GRAMD1C: variants seen among roughly 807,000 people sequenced by gnomAD.
GRAMD1C encodes the protein protein Aster-C.
A neutral mutation model predicts 97.8 loss-of-function variants in GRAMD1C; 89 were observed. The observed-to-expected ratio is 0.91, with a 90% CI of 0.77 to 1.09. The LOEUF (loss-of-function observed/expected upper bound fraction) is 1.09, where lower values mean the gene tolerates loss of function less well. Ranked by LOEUF, GRAMD1C falls within the 50% of genes least tolerant of loss-of-function variation. GRAMD1C has a pLI of 0.00. For synonymous variants in GRAMD1C, 256 were observed against 267.0 expected, an observed-to-expected ratio of 0.96 and a Z score of 0.40; for missense variants, 740 against 766.4, an observed-to-expected ratio of 0.97 and a Z score of 0.41.
In GRAMD1C at chr3:113,838,864, G is replaced by C. The variant is rs1452483211; in HGVS notation, c.-46G>C. 4.1e-6 allele frequency: 5 copies of C among 1,219,818 alleles called. No homozygotes were observed. The highest frequency in any genetic ancestry group is 3.2e-5 in the East Asian group (1 of 31,200). 75.6% of individuals were successfully genotyped at this position (1,219,818 alleles called of 1,614,324 possible). A position where few individuals can be genotyped will look rare whatever the true frequency, so the allele number is the denominator to read the frequency against. ...GCTGGAGGTGGGCGCGGGGCGGTGCGGTGCGGTGCGCGCGGGGCGGTGCCG... is the reference window on the plus strand; with the variant it reads ...GCTGGAGGTGGGCGCGGGGCGGTGCCGTGCGGTGCGCGCGGGGCGGTGCCG... On this transcript the variant is annotated 5_prime_UTR_variant, in exon 1 of 18. Transcript: ENST00000358160.
chr3:113,925,632 T>A (rs1937208936), intron 10 of GRAMD1C, among the ~76,000 whole-genome samples: 1 of 152,222 alleles, frequency 6.6e-6, no homozygotes. Context: ...TGTTGTTAGC[T>A]GGTTATTTTG....
intron 10 of GRAMD1C, among the ~76,000 whole-genome samples, chr3:113,917,080 G>A (rs1038858570): frequency 2.0e-5 from 3 of 152,178 alleles, no homozygotes; most frequent in Non-Finnish European, 4.4e-5. Context: ...AGGTTGCAGT[G>A]AGCTGAGATT....
chr3:113,857,236 A>G (rs1934170402), intron 2 of GRAMD1C, among the ~76,000 whole-genome samples: 1 of 152,226 alleles, frequency 6.6e-6, no homozygotes, highest in Non-Finnish European at 1.5e-5. Context: ...GCTATGTTGA[A>G]TAAGAACGGT....
intron 1 of GRAMD1C, among the ~76,000 whole-genome samples, chr3:113,830,739 T>C (rs897494660): frequency 2.6e-5 from 4 of 152,262 alleles, no homozygotes; most frequent in Admixed American, 2.0e-4. Context: ...CACATTGTTA[T>C]GCAATGCATG....
chr3:113,880,424 A>T (rs2245709), intron 5 of GRAMD1C, among the ~76,000 whole-genome samples: 128,473 of 151,930 alleles, frequency 0.85, 54,658 homozygotes, highest in African/African-American at 0.94. Flanking sequence ...CCTTTTTTTT[A>T]AAAAAACAAC....
chr3:113,945,346 C>A, intron 17 of GRAMD1C, 52 bp from the exon 18 acceptor site: 1 of 1,212,338 alleles, frequency 8.2e-7, no homozygotes, highest in Non-Finnish European at 1.2e-6. Flanking sequence ...CAGAAATTTT[C>A]AAATCTGATT....
At chr3:113,860,300 G>A (rs1934314094) in intron 2 of GRAMD1C, among the ~76,000 whole-genome samples, 1 of 152,130 alleles carries the variant, frequency 6.6e-6, no homozygotes, top group Non-Finnish European at 1.5e-5. Context: ...GATTACAGGT[G>A]TGAGCCACTG....
intron 10 of GRAMD1C, among the ~76,000 whole-genome samples, chr3:113,924,603 C>T (rs779260486): frequency 2.6e-5 from 4 of 152,104 alleles, no homozygotes; most frequent in Non-Finnish European, 5.9e-5. Flanking sequence ...GTATTGATTG[C>T]TATTGTTATT....
chr3:113,859,683 G>A (rs900340613), intron 2 of GRAMD1C, among the ~76,000 whole-genome samples: 4 of 152,276 alleles, frequency 2.6e-5, no homozygotes, highest in African/African-American at 9.6e-5. Flanking sequence ...CAAGGAAAGA[G>A]ATTGAATTAG....
intron 17 of GRAMD1C, among the ~76,000 whole-genome samples, chr3:113,941,512 A>G (rs1439375094): frequency 6.6e-6 from 1 of 151,926 alleles, no homozygotes; most frequent in East Asian, 1.9e-4. Flanking sequence ...TATTTTATCA[A>G]TTTTATCTTC....
chr3:113,914,414 G>C (rs908551120), intron 9 of GRAMD1C, among the ~76,000 whole-genome samples: 2 of 152,180 alleles, frequency 1.3e-5, no homozygotes, highest in African/African-American at 4.8e-5. Context: ...AGTAGTTGGG[G>C]ATGAAGCCAG....
At chr3:113,851,431 A>T (rs932257927) in intron 2 of GRAMD1C, among the ~76,000 whole-genome samples, 2 of 152,082 alleles carry the variant, frequency 1.3e-5, no homozygotes, top group African/African-American at 4.8e-5. Flanking sequence ...CATTATCTAC[A>T]TATATGCAAA....
chr3:113,937,145 A>G (rs1937592751), intron 14 of GRAMD1C, among the ~76,000 whole-genome samples: 1 of 152,234 alleles, frequency 6.6e-6, no homozygotes, highest in African/African-American at 2.4e-5. Flanking sequence ...TTGCAAAGAT[A>G]ACATTTGACT....
intron 1 of GRAMD1C, among the ~76,000 whole-genome samples, chr3:113,829,598 G>C (rs762560238): frequency 5.3e-5 from 8 of 152,118 alleles, no homozygotes; most frequent in Non-Finnish European, 1.2e-4. Flanking sequence ...TAAGAAAGTT[G>C]CAAGAATAGT....
At chr3:113,835,736 C>T (rs149756137), upstream of GRAMD1C, among the ~76,000 whole-genome samples, 154 of 152,262 alleles carry the variant, frequency 1.0e-3, no homozygotes, top group African/African-American at 3.2e-3. Context: ...TTCTGTGTTT[C>T]GAACGATGTT....
chr3:113,847,979 A>G (rs1181528007), intron 2 of GRAMD1C, among the ~76,000 whole-genome samples: 1 of 152,240 alleles, frequency 6.6e-6, no homozygotes, highest in East Asian at 1.9e-4. Context: ...TTTTCACTTT[A>G]GAGAGGTTTC....
At position 113,875,580 on chromosome 3, in the gene GRAMD1C, A is replaced by C; in HGVS notation, c.356A>C (p.Glu119Ala). The C allele has an allele frequency of 3.1e-6, 4 of 1,303,040 alleles. No homozygotes were observed. The highest frequency in any genetic ancestry group is 4.5e-6 in the Non-Finnish European group (4 of 894,616). 80.7% of individuals were successfully genotyped at this position (1,303,040 alleles called of 1,614,324 possible). A position where few individuals can be genotyped will look rare whatever the true frequency, so the allele number is the denominator to read the frequency against. ...TTCTATAGCAACATCTTCAGATGGG[A>C]AACTACAGTAAGACATTTTGCATTT... Reference protein sequence around the residue: ...LCFYSNIFRWETTISIALKNI... With the variant: ...LCFYSNIFRWATTISIALKNI... The change falls in exon 4 of 18, where the codon GAA becomes GCA. Residue 119 changes from glutamate (E) to alanine (A), a missense_variant. Transcript: ENST00000358160.
intron 6 of GRAMD1C, among the ~76,000 whole-genome samples, chr3:113,892,180 A>G (rs1249399678): frequency 6.6e-6 from 1 of 152,092 alleles, no homozygotes; most frequent in Non-Finnish European, 1.5e-5. Flanking sequence ...TCTCTTCATA[A>G]GACTGCTTTG....
chr3:113,899,668 T>C (rs1404650003), intron 6 of GRAMD1C, among the ~76,000 whole-genome samples: 1 of 152,234 alleles, frequency 6.6e-6, no homozygotes, highest in East Asian at 1.9e-4. Context: ...CTATCTGTAA[T>C]GTTTTTAGAC....
Sources: allele counts gnomAD v4.1 joint callset (sites outside exome capture counted in the v4.1 genomes callset), GRCh38; gene constraint gnomAD v4.1.1; transcripts MANE v1.5; gene names NCBI Gene and HGNC (gene_info 2026-07-23, HGNC 2026-07-21).